VWC2L: variants seen among roughly 807,000 people sequenced by gnomAD.
The protein encoded by VWC2L is von Willebrand factor C domain-containing protein 2-like.
In VWC2L, 10 loss-of-function variants were observed where a neutral mutation model predicts 21.6. The ratio of observed to expected loss-of-function variants is 0.46; its 90% CI spans 0.29 to 0.78. The LOEUF (loss-of-function observed/expected upper bound fraction) is 0.78, where lower values mean the gene tolerates loss of function less well. Among genes scored for constraint, VWC2L ranks in the 30% least tolerant of loss-of-function variants. The probability of loss-of-function intolerance (pLI) is 0.10; values close to 1 mark genes in which losing one functional copy is unlikely to be tolerated. For missense variants in VWC2L, 209 were observed against 277.1 expected, an observed-to-expected ratio of 0.75 and a Z score of 1.74; for synonymous variants, 96 against 94.3, an observed-to-expected ratio of 1.02 and a Z score of -0.10.
chr2:214,505,571 C>G, intron 3 of VWC2L, among the ~76,000 whole-genome samples: 1 of 152,038 alleles, frequency 6.6e-6, no homozygotes, highest in East Asian at 1.9e-4. Flanking sequence ...AAGACATCTA[C>G]ACAAAGCACA....
At chr2:214,508,825 A>AT (rs1689008512) in intron 3 of VWC2L, among the ~76,000 whole-genome samples, 2 of 152,048 alleles carry the variant, frequency 1.3e-5, no homozygotes, top group Non-Finnish European at 2.9e-5. Context: ...TGTTTTGCAA[A>AT]TTTACTGGAG....
chr2:214,463,952 AAT>A (rs1341865624), intron 3 of VWC2L, among the ~76,000 whole-genome samples: 1 of 151,858 alleles, frequency 6.6e-6, no homozygotes, highest in Non-Finnish European at 1.5e-5. Flanking sequence ...TGCATTCTTC[AAT>A]ATGTCAGTTG....
At chr2:214,436,027 C>G (rs1393255384) in intron 2 of VWC2L, among the ~76,000 whole-genome samples, 3 of 151,662 alleles carry the variant, frequency 2.0e-5, no homozygotes, top group East Asian at 3.9e-4. Flanking sequence ...TAAAAGCAAG[C>G]AGGCAAGATG....
intron 2 of VWC2L, among the ~76,000 whole-genome samples, chr2:214,415,831 C>T (rs915014745): frequency 7.2e-5 from 11 of 152,054 alleles, no homozygotes; most frequent in East Asian, 3.8e-4. Context: ...ATGTTATTCT[C>T]GACTTTTGTC....
At chr2:214,504,507 C>A (rs563838708) in intron 3 of VWC2L, among the ~76,000 whole-genome samples, 1 of 152,148 alleles carries the variant, frequency 6.6e-6, no homozygotes, top group Non-Finnish European at 1.5e-5. Flanking sequence ...CAGCTTCCAG[C>A]GAAGCTGGTT....
At chr2:214,561,421 T>C (rs2105929548) in intron 3 of VWC2L, among the ~76,000 whole-genome samples, 1 of 152,332 alleles carries the variant, frequency 6.6e-6, no homozygotes, top group African/African-American at 2.4e-5. Context: ...ACACATGTAA[T>C]TTTTTGTGTC....
At chr2:214,525,902 T>C (rs1284877703) in intron 3 of VWC2L, among the ~76,000 whole-genome samples, 9 of 152,112 alleles carry the variant, frequency 5.9e-5, no homozygotes, top group African/African-American at 2.2e-4. Flanking sequence ...ACATATTAAA[T>C]ATGGATAAAA....
intron 3 of VWC2L, among the ~76,000 whole-genome samples, chr2:214,494,331 T>C (rs1688783439): frequency 6.6e-6 from 1 of 152,342 alleles, no homozygotes; most frequent in African/African-American, 2.4e-5. Context: ...GGAATGTTTT[T>C]AGCAAGGAAA....
chr2:214,500,392 C>T (rs555713784), intron 3 of VWC2L, among the ~76,000 whole-genome samples: 24 of 152,184 alleles, frequency 1.6e-4, no homozygotes, highest in Non-Finnish European at 2.2e-4. Flanking sequence ...GTATCATCAA[C>T]GTTCTGGCAT....
intron 3 of VWC2L, among the ~76,000 whole-genome samples, chr2:214,525,758 G>A (rs954708671): frequency 6.6e-6 from 1 of 152,318 alleles, no homozygotes; most frequent in African/African-American, 2.4e-5. Context: ...GTTGTGACAT[G>A]AGCATTAAAA....
chr2:214,486,387 T>A (rs1240227931), intron 3 of VWC2L, among the ~76,000 whole-genome samples: 1 of 152,210 alleles, frequency 6.6e-6, no homozygotes, highest in Non-Finnish European at 1.5e-5. Flanking sequence ...CTTAGGAGAC[T>A]GGGGGTAAAA....
At chr2:214,437,463 A>T (rs1288680689) in intron 3 of VWC2L, among the ~76,000 whole-genome samples, 1 of 152,156 alleles carries the variant, frequency 6.6e-6, no homozygotes, top group Admixed American at 6.6e-5. Flanking sequence ...CTATAAACCC[A>T]AGATAGCGCA....
At chr2:214,421,036 T>A (rs889843823) in intron 2 of VWC2L, among the ~76,000 whole-genome samples, 5 of 152,232 alleles carry the variant, frequency 3.3e-5, no homozygotes, top group African/African-American at 1.2e-4. Context: ...TCTTCGTAAG[T>A]AACTGGGGAA....
chr2:214,482,693 G>A (rs1215174501), intron 3 of VWC2L, among the ~76,000 whole-genome samples: 1 of 150,322 alleles, frequency 6.7e-6, no homozygotes, highest in Non-Finnish European at 1.5e-5. Flanking sequence ...CAGGCACTGT[G>A]GTATAACACC....
At chr2:214,486,169 C>T (rs1688669773) in intron 3 of VWC2L, among the ~76,000 whole-genome samples, 1 of 152,194 alleles carries the variant, frequency 6.6e-6, no homozygotes, top group African/African-American at 2.4e-5. Context: ...TTTATCACAA[C>T]ATCCTGATAA....
At chr2:214,473,680 A>C (rs187984226) in intron 3 of VWC2L, 1 of 151,144 alleles carries the variant, frequency 6.6e-6, no homozygotes, top group East Asian at 1.9e-4. Flanking sequence ...AATTTACCCA[A>C]ACCCAGACAG....
At chr2:214,567,547 T>TACACACACACACACACAC (rs71409879) in intron 3 of VWC2L, among the ~76,000 whole-genome samples, 1 of 119,898 alleles carries the variant, frequency 8.3e-6, no homozygotes, top group African/African-American at 3.4e-5. Context: ...TTCATCCACA[T>TACACACACACACACACAC]ACACACACAC....
At chr2:214,473,726 C>T (rs1292753592) in intron 3 of VWC2L, 1 of 149,582 alleles carries the variant, frequency 6.7e-6, no homozygotes, top group South Asian at 2.1e-4. Flanking sequence ...TCCAAGATGG[C>T]TTCTTATGTT....
intron 2 of VWC2L, among the ~76,000 whole-genome samples, chr2:214,421,564 T>G (rs906621614): frequency 2.7e-4 from 41 of 152,084 alleles, no homozygotes; most frequent in Non-Finnish European, 5.4e-4. Context: ...GTGTGCACAT[T>G]GGGAGATCGG....
Sources: gnomAD v4.1 joint callset for allele counts (sites outside exome capture counted in the v4.1 genomes callset) on GRCh38, gnomAD v4.1.1 for gene constraint, MANE v1.5 for transcripts, NCBI Gene and HGNC (gene_info 2026-07-23, HGNC 2026-07-21) for gene names.